UNC5D: variants seen among roughly 807,000 people sequenced by gnomAD.
The protein encoded by UNC5D is unc-5 netrin receptor D.
A neutral mutation model predicts 105.4 loss-of-function variants in UNC5D; 39 were observed. That is an observed-to-expected ratio of 0.37 (90% CI 0.29 to 0.48). UNC5D has a LOEUF of 0.48. UNC5D is among the 20% of genes least tolerant of loss of function. UNC5D has a pLI of 0.98. For synonymous variants in UNC5D, 452 were observed against 450.4 expected (o/e 1.00, Z -0.04); for missense variants, 991 against 1,202.4 (o/e 0.82, Z 2.60).
chr8:35,349,883 G>A (rs1320628952), intron 1 of UNC5D, among the ~76,000 whole-genome samples: 1 of 151,952 alleles, frequency 6.6e-6, no homozygotes, highest in Non-Finnish European at 1.5e-5. Flanking sequence ...TCTGCTGCAA[G>A]TAACTGGCAG....
intron 1 of UNC5D, among the ~76,000 whole-genome samples, chr8:35,395,000 C>T (rs561615770): frequency 1.3e-5 from 2 of 152,134 alleles, no homozygotes; most frequent in Non-Finnish European, 2.9e-5. Context: ...AATGGGAAGA[C>T]CTCAGGTTCC....
intron 4 of UNC5D, among the ~76,000 whole-genome samples, chr8:35,649,385 C>G (rs1041318489): frequency 1.3e-5 from 2 of 152,130 alleles, no homozygotes; most frequent in African/African-American, 4.8e-5. Context: ...GGCCAGCACA[C>G]TGGACTGTGA....
chr8:35,443,706 A>G (rs891270245), intron 1 of UNC5D, among the ~76,000 whole-genome samples: 3 of 152,010 alleles, frequency 2.0e-5, no homozygotes, highest in African/African-American at 7.2e-5. Context: ...GTACAAGACT[A>G]TTTTGTAAAT....
At chr8:35,445,244 T>C (rs1470251755) in intron 1 of UNC5D, among the ~76,000 whole-genome samples, 2 of 152,114 alleles carry the variant, frequency 1.3e-5, no homozygotes, top group South Asian at 2.1e-4. Context: ...AGTAAACACA[T>C]AATTCTTTTC....
intron 4 of UNC5D, among the ~76,000 whole-genome samples, chr8:35,666,286 G>T (rs937844067): frequency 1.3e-5 from 2 of 152,026 alleles, no homozygotes; most frequent in Non-Finnish European, 2.9e-5. Context: ...AACAATGAAG[G>T]ATCGGAGTGA....
rs906099886 is a variant in UNC5D, at chr8:35,533,648, C to G, written c.104-15644C>G. On this transcript the variant is annotated intron_variant, in intron 1 of 16. Coordinates refer to ENST00000404895, the MANE Select transcript of UNC5D (RefSeq NM_080872.4). The stretch of plus-strand genomic sequence containing the variant: ...ATGGCGGGCGCCCCTCCCCCAGCCT[C>G]GCTGCCACCTTGCAGTTTGATCTCA... Among the ~76,000 whole-genome samples, 56 of 152,310 alleles carry G rather than the reference C, an allele frequency of 3.7e-4. No individual in the cohort carries two copies. The East Asian group carries it at 4.1e-3, about 11-fold the overall frequency.
intron 1 of UNC5D, among the ~76,000 whole-genome samples, chr8:35,422,167 G>A (rs28735693): frequency 2.0e-5 from 3 of 152,134 alleles, no homozygotes; most frequent in East Asian, 3.9e-4. Flanking sequence ...GTTGTCACCG[G>A]TTGCAATATG....
chr8:35,492,039 AT>A (rs1811243048), intron 1 of UNC5D, among the ~76,000 whole-genome samples: 1 of 151,622 alleles, frequency 6.6e-6, no homozygotes, highest in Non-Finnish European at 1.5e-5. Flanking sequence ...ATAGTCTCAA[AT>A]GTTTCACTTA....
intron 8 of UNC5D, among the ~76,000 whole-genome samples, chr8:35,706,257 A>G (rs1365233615): frequency 6.6e-6 from 1 of 152,222 alleles, no homozygotes; most frequent in Non-Finnish European, 1.5e-5. Flanking sequence ...TTATCACATT[A>G]AAATTAATAA....
intron 3 of UNC5D, 104 bp downstream of exon 3, chr8:35,568,345 T>C: frequency 1.4e-6 from 2 of 1,435,812 alleles, no homozygotes; most frequent in Non-Finnish European, 1.9e-6. Flanking sequence ...AGAATGTAAA[T>C]GAGAGGTCTT....
intron 4 of UNC5D, among the ~76,000 whole-genome samples, chr8:35,626,524 G>T (rs1273233384): frequency 6.6e-6 from 1 of 152,184 alleles, no homozygotes; most frequent in Non-Finnish European, 1.5e-5. Context: ...ATTAGATTCT[G>T]TAAGGTGTTG....
intron 1 of UNC5D, among the ~76,000 whole-genome samples, chr8:35,318,810 G>T (rs999917361): frequency 4.6e-5 from 7 of 152,028 alleles, no homozygotes; most frequent in Non-Finnish European, 7.4e-5. Context: ...TACAGATTTT[G>T]ACCAGAGACC....
intron 1 of UNC5D, among the ~76,000 whole-genome samples, chr8:35,307,845 C>A (rs746446690): frequency 6.6e-6 from 1 of 152,038 alleles, no homozygotes; most frequent in Non-Finnish European, 1.5e-5. Flanking sequence ...GTCAGAAGCA[C>A]AACATTGATT....
chr8:35,236,187 G>C (rs1042190885), intron 1 of UNC5D, among the ~76,000 whole-genome samples: 1 of 152,130 alleles, frequency 6.6e-6, no homozygotes, highest in Non-Finnish European at 1.5e-5. Context: ...GGAGTAGCCC[G>C]GTCTTCACTC....
At chr8:35,471,708 T>G (rs1282114747) in intron 1 of UNC5D, among the ~76,000 whole-genome samples, 1 of 152,158 alleles carries the variant, frequency 6.6e-6, no homozygotes, top group Non-Finnish European at 1.5e-5. Flanking sequence ...GCAAAGCTAT[T>G]GTGATGCAGT....
rs975310298 is a variant in UNC5D, at chr8:35,600,130, A to G, written c.570+4473A>G. On this transcript the variant is annotated intron_variant, in intron 4 of 16. Transcript: ENST00000404895. ...ATCCATGTCCCTACAAAGGACATGA[A>G]CTCATCATTTTTTATGGCTGCATAG... is the stretch of plus-strand genomic sequence containing the variant. Among the ~76,000 whole-genome samples, 30 of 152,064 alleles carry G rather than the reference A, an allele frequency of 2.0e-4. 1 individual carries two copies. The highest frequency in any genetic ancestry group is 3.2e-3 in the Middle Eastern group (1 of 316).
intron 3 of UNC5D, among the ~76,000 whole-genome samples, chr8:35,581,641 T>A (rs917021246): frequency 1.3e-5 from 2 of 152,148 alleles, no homozygotes; most frequent in African/African-American, 4.8e-5. Flanking sequence ...TAATAAATGC[T>A]TGAGATGATG....
intron 4 of UNC5D, among the ~76,000 whole-genome samples, chr8:35,622,203 G>A (rs867859689): frequency 1.3e-5 from 2 of 152,078 alleles, no homozygotes; most frequent in African/African-American, 2.4e-5. Flanking sequence ...TTAGCTGGGC[G>A]TGGTGGTGCA....
At position 35,648,275 on chromosome 8, in the gene UNC5D, G is replaced by A. The variant is rs1399471709; in HGVS notation, c.571-35272G>A. ...ATGTGGCCTGAATCCAGAAACAACC[G>A]TTTACCTTGCAGTAGTGTTCATTTT... On this transcript the variant is annotated intron_variant, in intron 4 of 16. Transcript: ENST00000404895. Among the ~76,000 whole-genome samples, 9 of 152,104 alleles carry A rather than the reference G, an allele frequency of 5.9e-5. No homozygotes were observed. The South Asian group carries it at 6.2e-4, about 11-fold the overall frequency.
Sources: gnomAD v4.1 joint callset for allele counts (sites outside exome capture counted in the v4.1 genomes callset) on GRCh38, gnomAD v4.1.1 for gene constraint, MANE v1.5 for transcripts, NCBI Gene and HGNC (gene_info 2026-07-23, HGNC 2026-07-21) for gene names.